DDX59: variants seen among roughly 807,000 people sequenced by gnomAD.
DDX59 encodes probable ATP-dependent RNA helicase DDX59.
DDX59 carries 30 observed loss-of-function variants against 51.9 expected under a neutral mutation model. The ratio of observed to expected loss-of-function variants is 0.58; its 90% CI spans 0.43 to 0.78. The LOEUF (loss-of-function observed/expected upper bound fraction) is 0.78. Among genes scored for constraint, DDX59 ranks in the 30% least tolerant of loss-of-function variants. The pLI, the probability that DDX59 is intolerant of heterozygous loss-of-function variation, is 0.00. For synonymous variants in DDX59, 255 were observed against 253.3 expected, an observed-to-expected ratio of 1.01 and a Z score of -0.06; for missense variants, 672 against 730.8, an observed-to-expected ratio of 0.92 and a Z score of 0.93.
Position 200,669,853 on chromosome 1 carries a change from A to C in DDX59, c.-98T>G, listed in dbSNP as rs975805464. ...CTCCAGGCCAGGCTTCCGCCCGACA[A>C]GCCCTGACCCGCTCGTCAGGACTGC... is the stretch of plus-strand genomic sequence containing the variant. On this transcript the variant is annotated 5_prime_UTR_variant, in exon 1 of 8. Transcript: ENST00000331314. 4 of 152,178 alleles carry C rather than the reference A, an allele frequency of 2.6e-5. No homozygotes were observed. Among genetic ancestry groups the C allele is most frequent in the African/African-American group, 7.2e-5 (3 of 41,390 alleles). 9.4% of individuals were successfully genotyped at this position (152,178 alleles called of 1,614,324 possible).
intron 3 of DDX59, among the ~76,000 whole-genome samples, chr1:200,661,289 A>C (rs1662358268): frequency 6.6e-6 from 1 of 152,240 alleles, no homozygotes; most frequent in Non-Finnish European, 1.5e-5. Context: ...CCATACAGAT[A>C]TAAATAAATA....
chr1:200,654,116 T>C (rs1009257051), intron 4 of DDX59, among the ~76,000 whole-genome samples: 19 of 152,246 alleles, frequency 1.2e-4, no homozygotes, highest in Admixed American at 7.2e-4. Context: ...TCTCTGAAGA[T>C]AAGAATCACC....
chr1:200,657,080 T>C (rs1278035979), intron 4 of DDX59, among the ~76,000 whole-genome samples: 1 of 151,914 alleles, frequency 6.6e-6, no homozygotes, highest in African/African-American at 2.4e-5. Context: ...TAAAACTCTG[T>C]CTCAACTAAA....
chr1:200,650,693 T>C lies in DDX59; in HGVS notation c.1063-17A>G. 1.3e-6 allele frequency: 2 copies of C among 1,579,388 alleles called. No individual in the cohort carries two copies. The highest frequency in any genetic ancestry group is 1.2e-5 in the South Asian group (1 of 86,096). Reference sequence around the variant, plus strand: ...GGTATCAGCCTAAAATAAAATTGTATTAAAGTTAGTCTTGTTTGACATTAA... The same window carrying C: ...GGTATCAGCCTAAAATAAAATTGTACTAAAGTTAGTCTTGTTTGACATTAA... On this transcript the variant is annotated splice_polypyrimidine_tract_variant and intron_variant, in intron 4 of 7. Coordinates refer to ENST00000331314, the MANE Select transcript of DDX59 (RefSeq NM_001031725.6).
intron 4 of DDX59, among the ~76,000 whole-genome samples, chr1:200,651,034 G>A (rs574787788): frequency 6.6e-6 from 1 of 151,594 alleles, no homozygotes; most frequent in Non-Finnish European, 1.5e-5. Context: ...TGATTGCTAG[G>A]TTAAAAAAAA....
Position 200,666,074 on chromosome 1 carries a change from A to G in DDX59, c.667T>C (p.Tyr223His). The G allele has an allele frequency of 6.2e-7, 1 of 1,614,222 alleles. No individual in the cohort carries two copies. Among genetic ancestry groups the G allele is most frequent in the Non-Finnish European group, 8.5e-7 (1 of 1,180,040 alleles). ...VLNHNLKKSG[Y>H]EVPTPIQMQM... ...ATTTGAATGGGAGTTGGCACCTCAT[A>G]GCCTGATTTCTTCAAGTTGTGATTT... is the stretch of plus-strand genomic sequence containing the variant. The change falls in exon 2 of 8, where the codon TAT becomes CAT. Residue 223 changes from tyrosine (Y) to histidine (H), a missense_variant. Coordinates refer to ENST00000331314, the MANE Select transcript of DDX59 (RefSeq NM_001031725.6).
intron 6 of DDX59, among the ~76,000 whole-genome samples, chr1:200,648,840 G>T (rs1363264850): frequency 1.3e-5 from 2 of 152,120 alleles, no homozygotes; most frequent in Admixed American, 1.3e-4. Context: ...TTCAGAAATG[G>T]TAAGTTTTGA....
chr1:200,663,202 C>A (rs542717230), intron 3 of DDX59, among the ~76,000 whole-genome samples: 135 of 152,288 alleles, frequency 8.9e-4, no homozygotes, highest in African/African-American at 3.1e-3. Context: ...GGCCGCCCTA[C>A]CACCCTAGTT....
intron 3 of DDX59, among the ~76,000 whole-genome samples, chr1:200,661,249 T>C (rs993100058): frequency 7.9e-5 from 12 of 152,200 alleles, no homozygotes; most frequent in Non-Finnish European, 1.8e-4. Flanking sequence ...TAATAGATTG[T>C]AAACCTTTGA....
rs114522239 is a variant in DDX59 at position 200,653,170 on chromosome 1, C to T, written c.1063-2494G>A. 6.7e-3 allele frequency among the ~76,000 whole-genome samples: 1,016 copies of T among 152,230 alleles called. 12 individuals carry two copies. Among genetic ancestry groups the T allele is most frequent in the African/African-American group, 0.023 (975 of 41,530 alleles). On this transcript the variant is annotated intron_variant, in intron 4 of 7. Transcript: ENST00000331314. Reference sequence around the variant, plus strand: ...CTGAATATCATGCATGCATCAAAGACTCTCAAAATCATATCTCAGGCCACA... The same window carrying T: ...CTGAATATCATGCATGCATCAAAGATTCTCAAAATCATATCTCAGGCCACA...
intron 4 of DDX59, among the ~76,000 whole-genome samples, chr1:200,651,101 T>C (rs1252773134): frequency 6.6e-6 from 1 of 152,114 alleles, no homozygotes; most frequent in African/African-American, 2.4e-5. Flanking sequence ...AAAAATATTA[T>C]ATGTATATAC....
At chr1:200,666,813 C>G in intron 1 of DDX59, 62 bp from the exon 2 acceptor site, 1 of 1,508,328 alleles carries the variant, frequency 6.6e-7, no homozygotes, top group South Asian at 1.3e-5. Context: ...ATATAAAGTA[C>G]CATATGATTA....
intron 4 of DDX59, among the ~76,000 whole-genome samples, chr1:200,658,187 G>T (rs1320241064): frequency 6.6e-6 from 1 of 152,220 alleles, no homozygotes; most frequent in Non-Finnish European, 1.5e-5. Context: ...GGTGAGACAT[G>T]TGGGAAGATG....
At chr1:200,662,968 T>C (rs1662473333) in intron 3 of DDX59, among the ~76,000 whole-genome samples, 1 of 152,224 alleles carries the variant, frequency 6.6e-6, no homozygotes, top group South Asian at 2.1e-4. Context: ...CAATATCCCA[T>C]TAATTATCAA....
At chr1:200,663,507 T>A (rs1375427599) in intron 3 of DDX59, among the ~76,000 whole-genome samples, 1 of 152,192 alleles carries the variant, frequency 6.6e-6, no homozygotes, top group Non-Finnish European at 1.5e-5. Flanking sequence ...ACAGCATGGC[T>A]AAGGAAGGAG....
In DDX59 at chr1:200,666,750, TTC is replaced by T; in HGVS notation, c.-11-1_-11del. ...ATCTTGGAACAAACATCCTTCAATA[TTC>T]TGTTAAGGAAATTATATAATGAGAT... On this transcript the variant is annotated splice_acceptor_variant and 5_prime_UTR_variant, in exon 2 of 8. Coordinates refer to ENST00000331314, the MANE Select transcript of DDX59 (RefSeq NM_001031725.6). LOFTEE classifies it low-confidence loss of function (5UTR_SPLICE). The T allele has an allele frequency of 6.2e-7, 1 of 1,600,672 alleles. No homozygotes were observed. Among genetic ancestry groups the T allele is most frequent in the Admixed American group, 1.7e-5 (1 of 58,548 alleles).
intron 2 of DDX59, among the ~76,000 whole-genome samples, chr1:200,665,499 A>G (rs1308303894): frequency 2.6e-5 from 4 of 151,868 alleles, no homozygotes; most frequent in South Asian, 2.1e-4. Context: ...AAGAAAAAGA[A>G]AAAGAAAAAA....
At chr1:200,656,054 T>G (rs1662001936) in intron 4 of DDX59, among the ~76,000 whole-genome samples, 1 of 152,232 alleles carries the variant, frequency 6.6e-6, no homozygotes, top group Non-Finnish European at 1.5e-5. Flanking sequence ...GGTCTTGCAC[T>G]CCTGACCTCA....
intron 2 of DDX59, among the ~76,000 whole-genome samples, chr1:200,665,490 AGAAAAAG>A (rs1233512100): frequency 2.4e-5 from 3 of 127,644 alleles, no homozygotes; most frequent in Admixed American, 7.8e-5. Flanking sequence ...TCCCAAAAAA[AGAAAAAG>A]AAAAAGAAAA....
Sources: gnomAD v4.1 joint callset for allele counts (sites outside exome capture counted in the v4.1 genomes callset) on GRCh38, gnomAD v4.1.1 for gene constraint, MANE v1.5 for transcripts, NCBI Gene and HGNC (gene_info 2026-07-23, HGNC 2026-07-21) for gene names.